The following SEL1L3 variants were observed in gnomAD, a reference collection of about 807,000 sequenced individuals.
SEL1L3 encodes SEL1L family member 3.
A neutral mutation model predicts 142.8 loss-of-function variants in SEL1L3; 76 were observed. The observed-to-expected ratio is 0.53, with a 90% CI of 0.44 to 0.64. The LOEUF (loss-of-function observed/expected upper bound fraction) is 0.64. Among genes scored for constraint, SEL1L3 ranks in the 30% least tolerant of loss-of-function variants. The probability of loss-of-function intolerance (pLI) is 0.00; values close to 1 mark genes in which losing one functional copy is unlikely to be tolerated. For missense variants in SEL1L3, 1,262 were observed against 1,381.7 expected (o/e 0.91, Z 1.37); for synonymous variants, 504 against 519.6 (o/e 0.97, Z 0.41).
the SEL1L3 span, among the ~76,000 whole-genome samples, chr4:25,724,623 G>C: frequency 6.6e-6 from 1 of 150,670 alleles, no homozygotes; most frequent in Non-Finnish European, 1.5e-5. Context: ...CCTGTAATCA[G>C]CCACTCGGGA....
At chr4:25,851,317 A>G (rs1716877557) in intron 1 of SEL1L3, among the ~76,000 whole-genome samples, 1 of 152,168 alleles carries the variant, frequency 6.6e-6, no homozygotes, top group African/African-American at 2.4e-5. Flanking sequence ...GAAACCCAGT[A>G]CCCACTGGCA....
intron 19 of SEL1L3, 146 bp from the exon 20 acceptor site, chr4:25,765,581 G>A (rs1188253425): frequency 3.3e-6 from 2 of 606,688 alleles, no homozygotes; most frequent in East Asian, 5.6e-5. Context: ...TGTGTCAAGA[G>A]AGAAACAAGC....
chr4:25,804,483 A>T (rs1304376820), intron 10 of SEL1L3, 58 bp downstream of exon 10: 6 of 1,304,356 alleles, frequency 4.6e-6, no homozygotes, highest in Non-Finnish European at 6.5e-6. Context: ...GCACGAGAGC[A>T]TTGCTTTGCA....
intron 2 of SEL1L3, among the ~76,000 whole-genome samples, chr4:25,840,917 A>G (rs1716127294): frequency 6.6e-6 from 1 of 152,098 alleles, no homozygotes; most frequent in Non-Finnish European, 1.5e-5. Flanking sequence ...CCGTCAAGGA[A>G]CAAAGGCTTA....
At chr4:25,720,463 T>C in the SEL1L3 span, 9 of 152,154 alleles carry the variant, frequency 5.9e-5, no homozygotes, top group African/African-American at 1.4e-4. Flanking sequence ...TCAGATAGTA[T>C]CGAAACTAAT....
At chr4:25,779,437 A>T (rs1298371999) in intron 15 of SEL1L3, among the ~76,000 whole-genome samples, 1 of 152,184 alleles carries the variant, frequency 6.6e-6, no homozygotes, top group Non-Finnish European at 1.5e-5. Flanking sequence ...AAATAAGACA[A>T]CATGTAATTA....
intron 2 of SEL1L3, among the ~76,000 whole-genome samples, chr4:25,836,491 A>T (rs373253179): frequency 3.0e-4 from 45 of 151,932 alleles, no homozygotes; most frequent in Middle Eastern, 3.2e-3. Flanking sequence ...TACTAAAAAT[A>T]CAAAAAAAAA....
At chr4:25,791,079 G>A (rs1279397288) in intron 11 of SEL1L3, among the ~76,000 whole-genome samples, 3 of 152,160 alleles carry the variant, frequency 2.0e-5, no homozygotes, top group Non-Finnish European at 4.4e-5. Context: ...GGCTTGTTTC[G>A]AAGTCCACTT....
At chr4:25,819,739 G>A in intron 8 of SEL1L3, 69 bp downstream of exon 8, 3 of 1,469,634 alleles carry the variant, frequency 2.0e-6, no homozygotes, top group East Asian at 2.3e-5. Context: ...TCCTGTTATG[G>A]AGAAGCCAAA....
chr4:25,768,042 G>A (rs1267834436), intron 17 of SEL1L3, among the ~76,000 whole-genome samples: 1 of 152,090 alleles, frequency 6.6e-6, no homozygotes, highest in Admixed American at 6.6e-5. Context: ...GACAAGGCTG[G>A]GGAGCTAGTT....
upstream of SEL1L3, chr4:25,863,523 C>T (rs1285833310): frequency 5.7e-6 from 4 of 702,800 alleles, no homozygotes; most frequent in African/African-American, 5.2e-5. Context: ...TCCCGCAGGG[C>T]GCAGGGCGAG....
At chr4:25,759,331 C>T (rs942293628) in intron 20 of SEL1L3, 10 of 405,032 alleles carry the variant, frequency 2.5e-5, no homozygotes, top group Admixed American at 1.2e-4. Flanking sequence ...CGTCCTTTCT[C>T]GCTCACTCTC....
In SEL1L3 at chr4:25,782,242, T is replaced by C. The variant is rs780681598; in HGVS notation, c.2457A>G (p.Gln819=). 1.7e-5 allele frequency: 28 copies of C among 1,613,282 alleles called. No homozygotes were observed. In the East Asian group the frequency reaches 3.3e-4, roughly 19 times the overall value. The change falls in exon 15 of 24, where the codon CAA becomes CAG. Residue 819 remains glutamine, a splice_region_variant and synonymous_variant. Transcript: ENST00000399878. ...AGAGTGGGTCTCAAGTCCTACTCAC[T>C]TGATTCCTTCCAGGAACTCCAGGGA... ...GIFPGVPGRN[Q]TLAGEYFHKA... is the part of the protein sequence containing the mutation.
intron 7 of SEL1L3, among the ~76,000 whole-genome samples, chr4:25,820,659 G>A (rs10939083): frequency 0.23 from 35,029 of 152,194 alleles, 9,862 homozygotes; most frequent in African/African-American, 0.66. Flanking sequence ...AAATATCAGC[G>A]TGCACTGAAT....
At chr4:25,715,866 A>G in the SEL1L3 span, among the ~76,000 whole-genome samples, 30 of 152,144 alleles carry the variant, frequency 2.0e-4, no homozygotes, top group Non-Finnish European at 4.0e-4. Context: ...AAGTGAAAAT[A>G]TTTATTGTAT....
chr4:25,743,914 G>C (rs1429724416), downstream of SEL1L3, among the ~76,000 whole-genome samples: 14 of 152,092 alleles, frequency 9.2e-5, no homozygotes, highest in Admixed American at 2.6e-4. Context: ...TGGACACTAG[G>C]CTTGTGGAAA....
the SEL1L3 span, chr4:25,718,548 G>C: frequency 2.6e-5 from 4 of 152,172 alleles, no homozygotes; most frequent in Admixed American, 2.0e-4. Context: ...GATGAGGATA[G>C]GCATAATAAC....
chr4:25,743,488 G>C (rs1241796386), downstream of SEL1L3, among the ~76,000 whole-genome samples: 1 of 152,132 alleles, frequency 6.6e-6, no homozygotes. Flanking sequence ...GACGACATGT[G>C]CCCAAGGTGG....
intron 11 of SEL1L3, among the ~76,000 whole-genome samples, chr4:25,791,286 T>C (rs1193733614): frequency 2.0e-5 from 3 of 152,226 alleles, no homozygotes; most frequent in African/African-American, 4.8e-5. Context: ...GAAGAGGGCA[T>C]GTTAACTCTG....
Sources: gnomAD v4.1 joint callset for allele counts (sites outside exome capture counted in the v4.1 genomes callset) on GRCh38, gnomAD v4.1.1 for gene constraint, MANE v1.5 for transcripts, NCBI Gene and HGNC (gene_info 2026-07-23, HGNC 2026-07-21) for gene names.